Variants in WDR25 observed in about 807,000 individuals in gnomAD.
WDR25 encodes WD repeat-containing protein 25.
Under a neutral mutation model 47.7 loss-of-function variants are expected in WDR25, and 35 were observed. The ratio of observed to expected loss-of-function variants is 0.73; its 90% confidence interval spans 0.56 to 0.97. WDR25 has a LOEUF of 0.97. Among genes scored for constraint, WDR25 ranks in the 50% least tolerant of loss-of-function variants. WDR25 has a pLI of 0.00. For missense variants in WDR25, 634 were observed against 704.7 expected (o/e 0.90, Z 1.14); for synonymous variants, 248 against 278.9 (o/e 0.89, Z 1.10).
In WDR25 at chr14:100,528,514, G is replaced by T. The variant is rs1353142644; in HGVS notation, c.1273-554G>T. Among the ~76,000 whole-genome samples the T allele has an allele frequency of 2.1e-5, 3 of 144,748 alleles. 1 individual carries two copies. The South Asian group carries it at 6.4e-4, about 31-fold the overall frequency. 95.0% of individuals were successfully genotyped at this position (144,748 alleles called of 152,430 possible). A position where few individuals can be genotyped will look rare whatever the true frequency, so the allele number is the denominator to read the frequency against. Reference sequence around the variant, plus strand: ...TCGAACTCCTGGGCTCAAGAGATCCGCCCGCCTCAGCATCCCAGAGTGCTG... The same window carrying T: ...TCGAACTCCTGGGCTCAAGAGATCCTCCCGCCTCAGCATCCCAGAGTGCTG... On this transcript the variant is annotated intron_variant, in intron 5 of 6. Coordinates refer to ENST00000402312, the MANE Select transcript of WDR25 (RefSeq NM_001161476.3).
intron 2 of WDR25, chr14:100,454,348 G>A: frequency 7.8e-7 from 1 of 1,284,232 alleles, no homozygotes; most frequent in South Asian, 1.2e-5. Context: ...TGGGGTAATG[G>A]AGTATGTGTA....
intron 4 of WDR25, among the ~76,000 whole-genome samples, chr14:100,518,780 A>T (rs1381595148): frequency 2.6e-5 from 4 of 151,884 alleles, no homozygotes; most frequent in Admixed American, 1.3e-4. Flanking sequence ...AGTCCCAGCT[A>T]GAGGACGGGA....
chr14:100,448,143 C>T (rs182337963), intron 2 of WDR25, among the ~76,000 whole-genome samples: 145 of 141,512 alleles, frequency 1.0e-3, no homozygotes, highest in Non-Finnish European at 1.9e-3. Flanking sequence ...TGTGGTGAGC[C>T]GAGATCGTGC....
rs537486563 is a variant in WDR25, at chr14:100,493,599, C to T, written c.1101+9475C>T. ...ATAATCATTCTGCATCAGAGTGGCCCATCTGTTACAGATGGTGAACCCACA... is the reference window on the plus strand; with the variant it reads ...ATAATCATTCTGCATCAGAGTGGCCTATCTGTTACAGATGGTGAACCCACA... On this transcript the variant is annotated intron_variant, in intron 4 of 6. Transcript: ENST00000402312. Among the ~76,000 whole-genome samples the T allele has an allele frequency of 3.3e-5, 5 of 152,298 alleles. No homozygotes were observed. In the East Asian group the frequency reaches 9.6e-4, roughly 29 times the overall value.
At chr14:100,458,555 A>G (rs1297644645) in intron 2 of WDR25, among the ~76,000 whole-genome samples, 2 of 152,174 alleles carry the variant, frequency 1.3e-5, no homozygotes, top group African/African-American at 2.4e-5. Context: ...CTGTCACCCA[A>G]TTTGGCTTAA....
At chr14:100,423,131 C>G (rs1256788390) in intron 2 of WDR25, among the ~76,000 whole-genome samples, 2 of 152,194 alleles carry the variant, frequency 1.3e-5, no homozygotes, top group African/African-American at 4.8e-5. Flanking sequence ...TTCTCTTTGT[C>G]TGGGAGCCCT....
chr14:100,462,584 T>A (rs1418701586), intron 2 of WDR25, among the ~76,000 whole-genome samples: 1 of 152,160 alleles, frequency 6.6e-6, no homozygotes, highest in African/African-American at 2.4e-5. Flanking sequence ...GTGTGCGTTT[T>A]TCACTTCAGG....
At position 100,498,053 on chromosome 14, in the gene WDR25, T is replaced by C. The variant is rs1001645999; in HGVS notation, c.1101+13929T>C. On this transcript the variant is annotated intron_variant, in intron 4 of 6. Coordinates refer to ENST00000402312, the MANE Select transcript of WDR25 (RefSeq NM_001161476.3). The surrounding 1 kb of genome is among the most constrained non-coding windows in gnomAD (Gnocchi z 4.2). ...GACCTGCAGTATAACTCTGCAAAGATTGTATGACTTTAGGAAAGTTTGTGC... is the reference window on the plus strand; with the variant it reads ...GACCTGCAGTATAACTCTGCAAAGACTGTATGACTTTAGGAAAGTTTGTGC... Among the ~76,000 whole-genome samples the C allele has an allele frequency of 6.6e-6, 1 of 152,192 alleles. No homozygotes were observed. The highest frequency in any genetic ancestry group is 1.5e-5 in the Non-Finnish European group (1 of 68,038).
At chr14:100,509,389 C>T (rs1901225068) in intron 4 of WDR25, among the ~76,000 whole-genome samples, 3 of 152,070 alleles carry the variant, frequency 2.0e-5, no homozygotes, top group Non-Finnish European at 4.4e-5. Context: ...TTTTTAATGG[C>T]TGGGGTGTCT....
intron 2 of WDR25, among the ~76,000 whole-genome samples, chr14:100,394,622 T>G (rs1408376978): frequency 3.3e-5 from 5 of 152,102 alleles, no homozygotes; most frequent in African/African-American, 7.2e-5. Context: ...AAAGCAGACT[T>G]GAGAGGGATG....
At chr14:100,414,061 T>TCTTG (rs1236407743) in intron 2 of WDR25, among the ~76,000 whole-genome samples, 1 of 151,472 alleles carries the variant, frequency 6.6e-6, no homozygotes, top group Non-Finnish European at 1.5e-5. Flanking sequence ...AGTGGTGCAA[T>TCTTG]CTTGGCTCAC....
intron 2 of WDR25, among the ~76,000 whole-genome samples, chr14:100,398,481 T>C (rs971160845): frequency 6.6e-6 from 1 of 152,100 alleles, no homozygotes; most frequent in Non-Finnish European, 1.5e-5. Flanking sequence ...TTATTTTTCT[T>C]GTAAAACTTT....
chr14:100,500,701 GCTT>G lies in WDR25; in HGVS notation c.1101+16581_1101+16583del, dbSNP rs1352131170. ...GAGCCTCTGTCCATTGTCCTACGTGGCTTCTTTGGGGTTGAGGGTGCGTGGAGG... is the reference window on the plus strand; with the variant it reads ...GAGCCTCTGTCCATTGTCCTACGTGGCTTTGGGGTTGAGGGTGCGTGGAGG... On this transcript the variant is annotated intron_variant, in intron 4 of 6. Coordinates refer to ENST00000402312, the MANE Select transcript of WDR25 (RefSeq NM_001161476.3). This position sits in a 1 kb window ranked among gnomAD's most constrained non-coding sequence, Gnocchi z 4.7. 6.6e-6 allele frequency among the ~76,000 whole-genome samples: 1 copy of G among 152,214 alleles called. No homozygotes were observed.
intron 2 of WDR25, among the ~76,000 whole-genome samples, chr14:100,395,676 G>C (rs1338940072): frequency 6.6e-6 from 1 of 152,208 alleles, no homozygotes; most frequent in Non-Finnish European, 1.5e-5. Context: ...CAGGAGCTCT[G>C]ATATAAGTTC....
chr14:100,391,502 A>G (rs963526677), intron 2 of WDR25, among the ~76,000 whole-genome samples: 1 of 152,158 alleles, frequency 6.6e-6, no homozygotes, highest in African/African-American at 2.4e-5. Flanking sequence ...AGCTTCCTCA[A>G]CCTTTCCTCA....
chr14:100,425,364 G>A lies in WDR25; in HGVS notation c.823-42657G>A, dbSNP rs1201224531. Among the ~76,000 whole-genome samples the A allele has an allele frequency of 6.6e-6, 1 of 152,250 alleles. No individual in the cohort carries two copies. Among genetic ancestry groups the A allele is most frequent in the Non-Finnish European group, 1.5e-5 (1 of 68,048 alleles). On this transcript the variant is annotated intron_variant, in intron 2 of 6. Coordinates refer to ENST00000402312, the MANE Select transcript of WDR25 (RefSeq NM_001161476.3). The surrounding 1 kb of genome is among the most constrained non-coding windows in gnomAD (Gnocchi z 4.8). The stretch of plus-strand genomic sequence containing the variant: ...GCACAGGGGTGGCACACACCCAGGA[G>A]TAGCTGTTGGGTGGATATACAAATG...
In WDR25 at chr14:100,426,848, G is replaced by T. The variant is rs144694304; in HGVS notation, c.823-41173G>T. On this transcript the variant is annotated intron_variant, in intron 2 of 6. Coordinates refer to ENST00000402312, the MANE Select transcript of WDR25 (RefSeq NM_001161476.3). ...TGCCCCAGCAATGCCGCCTGGTATG[G>T]GTGCTGCCCTGCCATTAGCTATCCC... 7.2e-4 allele frequency among the ~76,000 whole-genome samples: 110 copies of T among 152,296 alleles called. 2 individuals are homozygous for T. The East Asian group carries it at 0.02, about 27-fold the overall frequency.
intron 4 of WDR25, among the ~76,000 whole-genome samples, chr14:100,492,624 C>T (rs533814592): frequency 6.6e-6 from 1 of 152,298 alleles, no homozygotes; most frequent in South Asian, 2.1e-4. Flanking sequence ...CATATTGCCA[C>T]TAAAATAAGC....
At chr14:100,511,620 A>T (rs893920836) in intron 4 of WDR25, among the ~76,000 whole-genome samples, 2 of 147,970 alleles carry the variant, frequency 1.4e-5, no homozygotes, top group Non-Finnish European at 3.0e-5. Flanking sequence ...TCCTTATTGC[A>T]CTGGCTCAAA....
Sources: allele counts gnomAD v4.1 joint callset (sites outside exome capture counted in the v4.1 genomes callset), GRCh38; gene constraint gnomAD v4.1.1; non-coding constraint Gnocchi (gnomAD v3.1); transcripts MANE v1.5; gene names NCBI Gene and HGNC (gene_info 2026-07-23, HGNC 2026-07-21).